The following RBM17 variants were observed in gnomAD, a reference collection of about 807,000 sequenced individuals.
RBM17 encodes the protein splicing factor 45.
Under a neutral mutation model 53.2 loss-of-function variants are expected in RBM17, and 7 were observed. That is an observed-to-expected ratio of 0.13 (90% confidence interval 0.07 to 0.25). RBM17 has a LOEUF of 0.25. Ranked by LOEUF, RBM17 falls within the 10% of genes least tolerant of loss-of-function variation. RBM17 has a pLI of 1.00. For missense variants in RBM17, 257 were observed against 496.7 expected (o/e 0.52, Z 4.59); for synonymous variants, 167 against 178.1 (o/e 0.94, Z 0.50).
intron 2 of RBM17, among the ~76,000 whole-genome samples, chr10:6,099,077 C>T (rs1588345097): frequency 6.6e-6 from 1 of 151,666 alleles, no homozygotes; most frequent in South Asian, 2.1e-4. Context: ...AGCAAAACCT[C>T]GTTTTTCTCT....
chr10:6,110,329 G>A (rs1840818924), intron 7 of RBM17, among the ~76,000 whole-genome samples: 1 of 152,168 alleles, frequency 6.6e-6, no homozygotes, highest in Admixed American at 6.5e-5. Flanking sequence ...CCCAGTAGAA[G>A]TTTTGACTCA....
intron 3 of RBM17, among the ~76,000 whole-genome samples, chr10:6,103,842 T>TC (rs1030350854): frequency 5.3e-5 from 8 of 152,340 alleles, no homozygotes; most frequent in African/African-American, 1.9e-4. Flanking sequence ...AGTTCTGTGT[T>TC]CAAGCAGGAA....
At chr10:6,101,073 AAAT>A (rs1330961049) in intron 2 of RBM17, among the ~76,000 whole-genome samples, 195 bp from the exon 3 acceptor site, 4 of 152,202 alleles carry the variant, frequency 2.6e-5, no homozygotes, top group African/African-American at 9.7e-5. Flanking sequence ...GAAATGGAGA[AAAT>A]CTCATGTTTT....
At chr10:6,097,888 T>A (rs1474485928) in intron 2 of RBM17, among the ~76,000 whole-genome samples, 2 of 152,152 alleles carry the variant, frequency 1.3e-5, no homozygotes, top group Non-Finnish European at 2.9e-5. Flanking sequence ...GTGGAGGTAG[T>A]TTGGAAGCAG....
rs116110839 is a variant in RBM17 at position 6,114,493 on chromosome 10, G to A, written c.1029+346G>A. The A allele has an allele frequency of 9.4e-3, 1,828 of 194,582 alleles. 33 individuals carry two copies. The highest frequency in any genetic ancestry group is 0.038 in the African/African-American group (1,618 of 42,342). 12.1% of individuals were successfully genotyped at this position (194,582 alleles called of 1,614,324 possible). ...GCCTCTCACATGCACTGCACTGTGCGGAGAGCACTTGGATTACAGGAAGCA... is the reference window on the plus strand; with the variant it reads ...GCCTCTCACATGCACTGCACTGTGCAGAGAGCACTTGGATTACAGGAAGCA... On this transcript the variant is annotated intron_variant, in intron 10 of 11. Transcript: ENST00000379888.
intron 2 of RBM17, among the ~76,000 whole-genome samples, chr10:6,100,039 A>T (rs1371397749): frequency 1.3e-5 from 2 of 151,970 alleles, no homozygotes; most frequent in Non-Finnish European, 2.9e-5. Flanking sequence ...ACAGAGCAAG[A>T]CTCCATCTCA....
chr10:6,111,321 A>G (rs1216774995), intron 7 of RBM17, among the ~76,000 whole-genome samples: 1 of 152,172 alleles, frequency 6.6e-6, no homozygotes, highest in Non-Finnish European at 1.5e-5. Flanking sequence ...TTTCAGCTCT[A>G]CCATTAACAG....
chr10:6,103,029 C>T (rs907680673), intron 3 of RBM17, among the ~76,000 whole-genome samples: 9 of 152,220 alleles, frequency 5.9e-5, no homozygotes, highest in African/African-American at 1.4e-4. Flanking sequence ...TGAGCTCAAA[C>T]GATCCACATG....
intron 1 of RBM17, among the ~76,000 whole-genome samples, chr10:6,094,635 A>G (rs1185640529): frequency 6.6e-6 from 1 of 152,212 alleles, no homozygotes; most frequent in African/African-American, 2.4e-5. Flanking sequence ...TGGGAGCCAC[A>G]GTGCTAAGCT....
intron 5 of RBM17, 67 bp downstream of exon 5, chr10:6,106,305 T>A: frequency 9.3e-7 from 1 of 1,070,436 alleles, no homozygotes; most frequent in Non-Finnish European, 1.4e-6. Context: ...CTATGTGCTT[T>A]TTCTTTTCAG....
At chr10:6,105,206 G>A (rs1840730500) in intron 4 of RBM17, 109 bp downstream of exon 4, 3 of 949,646 alleles carry the variant, frequency 3.2e-6, no homozygotes, top group Non-Finnish European at 3.2e-6. Flanking sequence ...TGTCATGGGT[G>A]ATCTGAGCAG....
At chr10:6,098,674 C>A (rs2132942419) in intron 2 of RBM17, among the ~76,000 whole-genome samples, 1 of 139,300 alleles carries the variant, frequency 7.2e-6, no homozygotes, top group Admixed American at 8.0e-5. Flanking sequence ...CTCCCAGGTT[C>A]ACGCCATTCT....
chr10:6,108,101 C>G (rs1840782101), intron 5 of RBM17, among the ~76,000 whole-genome samples: 1 of 152,192 alleles, frequency 6.6e-6, no homozygotes, highest in Non-Finnish European at 1.5e-5. Context: ...GCAGTTTCTT[C>G]AGGAGCCAGA....
intron 1 of RBM17, among the ~76,000 whole-genome samples, chr10:6,094,697 A>G (rs1343368592): frequency 6.6e-6 from 1 of 152,166 alleles, no homozygotes; most frequent in East Asian, 1.9e-4. Flanking sequence ...GTTTTCTTAG[A>G]TTAAAATTTA....
At chr10:6,113,602 A>G in intron 9 of RBM17, 21 bp downstream of exon 9, 1 of 1,524,460 alleles carries the variant, frequency 6.6e-7, no homozygotes, top group South Asian at 1.1e-5. Flanking sequence ...GAGGAAAGCA[A>G]GCTCTCTGCC....
In RBM17 at chr10:6,117,419, A is replaced by G. The variant is rs1044678957; in HGVS notation, c.*1863A>G. On this transcript the variant is annotated 3_prime_UTR_variant, in exon 12 of 12. Transcript: ENST00000379888. ...GCTAATATAAAAATTTTAAATTTCA[A>G]TAAAAATTAAAAATTATGTAAGCTA... The G allele has an allele frequency of 4.6e-5, 7 of 152,302 alleles. No homozygotes were observed. The East Asian group carries it at 9.6e-4, about 21-fold the overall frequency. 9.4% of individuals were successfully genotyped at this position (152,302 alleles called of 1,614,324 possible).
rs578129479 is a variant in RBM17 at position 6,109,502 on chromosome 10, A to G, written c.563-484A>G. Among the ~76,000 whole-genome samples, 10 of 152,308 alleles carry G rather than the reference A, an allele frequency of 6.6e-5. No individual in the cohort carries two copies. The East Asian group carries it at 1.7e-3, about 26-fold the overall frequency. The stretch of plus-strand genomic sequence containing the variant: ...CATCTGGATGGTCTTAAAGCGTCCT[A>G]CTGACTTTCATCTAACTAGGGTTGA... On this transcript the variant is annotated intron_variant, in intron 6 of 11. Coordinates refer to ENST00000379888, the MANE Select transcript of RBM17 (RefSeq NM_032905.5).
Position 6,089,044 on chromosome 10 carries a change from C to T in RBM17, c.-168C>T, listed in dbSNP as rs3750668. The T allele has an allele frequency of 6.6e-6, 1 of 150,846 alleles. No individual in the cohort carries two copies. The highest frequency in any genetic ancestry group is 2.4e-5 in the African/African-American group (1 of 41,400). The allele number at this position is 150,846 out of a possible 1,614,324, so 9.3% of individuals were successfully genotyped here. On this transcript the variant is annotated 5_prime_UTR_variant, in exon 1 of 12. Transcript: ENST00000379888. The surrounding 1 kb of genome is among the most constrained non-coding windows in gnomAD (Gnocchi z 5.6). Reference sequence around the variant, plus strand: ...GCGCGCTCTCCCGGCAGCCCGCGCTCCCTGACCCCGCGCCGCCGAGCGCCC... The same window carrying T: ...GCGCGCTCTCCCGGCAGCCCGCGCTTCCTGACCCCGCGCCGCCGAGCGCCC...
chr10:6,106,300 T>G, intron 5 of RBM17, 62 bp downstream of exon 5: 2 of 1,109,610 alleles, frequency 1.8e-6, no homozygotes, highest in Admixed American at 1.9e-5. Context: ...TTCCACTATG[T>G]GCTTTTTCTT....
Sources: gnomAD v4.1 joint callset for allele counts (sites outside exome capture counted in the v4.1 genomes callset) on GRCh38, gnomAD v4.1.1 for gene constraint, Gnocchi (gnomAD v3.1) non-coding constraint, MANE v1.5 for transcripts, NCBI Gene and HGNC (gene_info 2026-07-23, HGNC 2026-07-21) for gene names.